The following KCNIP3 variants were observed in gnomAD, a reference collection of about 807,000 sequenced individuals.
KCNIP3 encodes the protein calsenilin.
KCNIP3 carries 28 observed loss-of-function variants against 35.0 expected under a neutral mutation model. That is an observed-to-expected ratio of 0.80 (90% CI 0.59 to 1.10). The LOEUF (loss-of-function observed/expected upper bound fraction) is 1.10. Among genes scored for constraint, KCNIP3 ranks in the 50% least tolerant of loss-of-function variants. The pLI, the probability that KCNIP3 is intolerant of heterozygous loss-of-function variation, is 0.00. For missense variants in KCNIP3, 295 were observed against 338.4 expected, an observed-to-expected ratio of 0.87 and a Z score of 1.01; for synonymous variants, 134 against 133.8, an observed-to-expected ratio of 1.00 and a Z score of -0.01.
chr2:95,357,897 G>A (rs1212928316), intron 2 of KCNIP3, among the ~76,000 whole-genome samples: 3 of 152,206 alleles, frequency 2.0e-5, no homozygotes, highest in Non-Finnish European at 2.9e-5. Context: ...GTCCACCCCT[G>A]GCTTCTGTGT....
At chr2:95,346,962 G>C (rs1446000170) in intron 2 of KCNIP3, 171 of 1,345,196 alleles carry the variant, frequency 1.3e-4, no homozygotes, top group Non-Finnish European at 1.6e-4. Flanking sequence ...TGCCTCCGAG[G>C]CAGCGCGTGG....
chr2:95,314,047 C>T (rs777087095), intron 2 of KCNIP3, among the ~76,000 whole-genome samples: 5 of 152,036 alleles, frequency 3.3e-5, no homozygotes, highest in Non-Finnish European at 7.4e-5. Context: ...GAGAGAAGAC[C>T]CACATCCTCC....
chr2:95,317,382 C>T (rs1472469342), intron 2 of KCNIP3, among the ~76,000 whole-genome samples: 1 of 152,202 alleles, frequency 6.6e-6, no homozygotes, highest in Non-Finnish European at 1.5e-5. Context: ...CCTTCTGCCT[C>T]CAGGAACAGT....
intron 2 of KCNIP3, among the ~76,000 whole-genome samples, chr2:95,320,222 C>CTG (rs1678559020): frequency 6.6e-6 from 1 of 152,184 alleles, no homozygotes. Flanking sequence ...GCCTGAGGCG[C>CTG]TGTGGCCTCT....
At position 95,381,694 on chromosome 2, in the gene KCNIP3, C is replaced by A; in HGVS notation, c.546C>A (p.Ile182=). The A allele has an allele frequency of 6.2e-7, 1 of 1,611,534 alleles. No homozygotes were observed. Among genetic ancestry groups the A allele is most frequent in the South Asian group, 1.1e-5 (1 of 91,024 alleles). Reference sequence around the variant, plus strand: ...ACGACATTAACAAGGATGGCTACATCACCAAAGAGGTAGTAGGGGGCTGGG... The same window carrying A: ...ACGACATTAACAAGGATGGCTACATAACCAAAGAGGTAGTAGGGGGCTGGG... The part of the protein sequence containing the change: ...NLYDINKDGY[I]TKEEMLAIMK... Residue 182 remains isoleucine (I), a synonymous_variant, in exon 6 of 9, where the codon ATC becomes ATA. Coordinates refer to ENST00000295225, the MANE Select transcript of KCNIP3 (RefSeq NM_013434.5).
chr2:95,374,310 G>C lies in KCNIP3; in HGVS notation c.196G>C (p.Glu66Gln). The C allele has an allele frequency of 6.2e-7, 1 of 1,614,010 alleles. No homozygotes were observed. The highest frequency in any genetic ancestry group is 8.5e-7 in the Non-Finnish European group (1 of 1,179,952). ...APQGSDSSDS[E>Q]LELSTVRHQP... ...TCCCACTCCAGATAGCAGCGACAGT[G>C]AGCTGGAGCTGTCCACGGTGCGCCA... Residue 66 changes from glutamate to glutamine, a missense_variant, in exon 3 of 9, where the codon GAG (glutamate) becomes CAG (glutamine). By Grantham distance (29) the Glu-to-Gln change is conservative. Transcript: ENST00000295225.
intron 2 of KCNIP3, among the ~76,000 whole-genome samples, chr2:95,323,263 G>A (rs1332561989): frequency 1.3e-5 from 2 of 152,238 alleles, no homozygotes; most frequent in Non-Finnish European, 2.9e-5. Flanking sequence ...TGCTGGGCAT[G>A]TGGGGCCCAC....
At chr2:95,344,276 G>T (rs1177470292) in intron 2 of KCNIP3, among the ~76,000 whole-genome samples, 1 of 151,530 alleles carries the variant, frequency 6.6e-6, no homozygotes, top group Non-Finnish European at 1.5e-5. Flanking sequence ...TGGCGGGGTG[G>T]GGGGGGGCAC....
chr2:95,298,652 C>G (rs1326133588), intron 1 of KCNIP3: 1 of 152,316 alleles, frequency 6.6e-6, no homozygotes, highest in Admixed American at 6.5e-5. Context: ...AAACCCCAGG[C>G]CTCCCTTGTG....
Position 95,377,866 on chromosome 2 carries a change from A to G in KCNIP3, c.447+2658A>G, listed in dbSNP as rs1366678820. 3.3e-5 allele frequency among the ~76,000 whole-genome samples: 5 copies of G among 152,320 alleles called. No homozygotes were observed. Among genetic ancestry groups the G allele is most frequent in the African/African-American group, 1.2e-4 (5 of 41,564 alleles). On this transcript the variant is annotated intron_variant, in intron 5 of 8. Coordinates refer to ENST00000295225, the MANE Select transcript of KCNIP3 (RefSeq NM_013434.5). The surrounding 1 kb of genome is among the most constrained non-coding windows in gnomAD (Gnocchi z 4.7). ...CTAGCAGCAGGCTCTGTGGCTGAAC[A>G]TGAGGGCTTCTCCGCAGCAGACAGA... is the stretch of plus-strand genomic sequence containing the variant.
intron 2 of KCNIP3, among the ~76,000 whole-genome samples, chr2:95,335,160 G>A (rs996211578): frequency 6.6e-6 from 1 of 152,230 alleles, no homozygotes; most frequent in African/African-American, 2.4e-5. Flanking sequence ...GGCCTGAGAT[G>A]CTAAGAGATC....
intron 2 of KCNIP3, among the ~76,000 whole-genome samples, chr2:95,352,600 G>A (rs1339771613): frequency 2.0e-5 from 3 of 150,730 alleles, no homozygotes; most frequent in East Asian, 2.0e-4. Context: ...CCTACCTCTC[G>A]AAGGAGTCTC....
At chr2:95,354,074 A>G (rs567058202) in intron 2 of KCNIP3, among the ~76,000 whole-genome samples, 2 of 152,314 alleles carry the variant, frequency 1.3e-5, no homozygotes, top group South Asian at 2.1e-4. Context: ...CACGTGGACA[A>G]GTCACTTCTG....
intron 8 of KCNIP3, 34 bp downstream of exon 8, chr2:95,383,328 T>C (rs1241008733): frequency 6.2e-7 from 1 of 1,605,972 alleles, no homozygotes; most frequent in Admixed American, 1.7e-5. Flanking sequence ...CACAGTTCTC[T>C]GCAGGCTCTA....
chr2:95,304,654 G>C (rs1206980670), intron 1 of KCNIP3, among the ~76,000 whole-genome samples: 1 of 152,212 alleles, frequency 6.6e-6, no homozygotes, highest in Non-Finnish European at 1.5e-5. Context: ...TCCATTACCG[G>C]ATTTGGGGCT....
chr2:95,375,254 C>T, intron 5 of KCNIP3, 46 bp downstream of exon 5: 1 of 1,553,554 alleles, frequency 6.4e-7, no homozygotes, highest in Non-Finnish European at 8.9e-7. Context: ...CCTGTGGTTG[C>T]AGGAGTGAAT....
In KCNIP3 at chr2:95,376,031, T is replaced by G. The variant is rs183787053; in HGVS notation, c.447+823T>G. ...CGATAAGCTGCGCGGGTTATTTTTA[T>G]GCCGCAAGCCCGCCAGGCACACTGA... is the stretch of plus-strand genomic sequence containing the variant. On this transcript the variant is annotated intron_variant, in intron 5 of 8. Coordinates refer to ENST00000295225, the MANE Select transcript of KCNIP3 (RefSeq NM_013434.5). The surrounding 1 kb of genome is among the most constrained non-coding windows in gnomAD (Gnocchi z 4.2). Among the ~76,000 whole-genome samples, 58 of 152,318 alleles carry G rather than the reference T, an allele frequency of 3.8e-4. No homozygotes were observed. The highest frequency in any genetic ancestry group is 7.2e-4 in the Non-Finnish European group (49 of 68,022).
intron 2 of KCNIP3, among the ~76,000 whole-genome samples, chr2:95,330,269 C>T (rs534838196): frequency 2.6e-5 from 4 of 152,272 alleles, no homozygotes; most frequent in African/African-American, 9.6e-5. Flanking sequence ...AGGCCTCAGC[C>T]CAGACCTCCC....
chr2:95,346,271 A>T (rs932812523), intron 2 of KCNIP3, among the ~76,000 whole-genome samples: 3 of 150,724 alleles, frequency 2.0e-5, no homozygotes, highest in African/African-American at 7.3e-5. Context: ...GGCCGGGATC[A>T]GCGCCTCCCC....
Sources: gnomAD v4.1 joint callset for allele counts (sites outside exome capture counted in the v4.1 genomes callset) on GRCh38, gnomAD v4.1.1 for gene constraint, Gnocchi (gnomAD v3.1) non-coding constraint, MANE v1.5 for transcripts, NCBI Gene and HGNC (gene_info 2026-07-23, HGNC 2026-07-21) for gene names.